MCF2L2: variants seen among roughly 807,000 people sequenced by gnomAD.
The protein encoded by MCF2L2 is probable guanine nucleotide exchange factor MCF2L2.
Under a neutral mutation model 150.2 loss-of-function variants are expected in MCF2L2, and 102 were observed. That is an observed-to-expected ratio of 0.68 (90% CI 0.58 to 0.80). MCF2L2 has a LOEUF of 0.80. MCF2L2 is among the 30% of genes least tolerant of loss of function. The pLI is 0.00. For synonymous variants in MCF2L2, 465 were observed against 491.3 expected (o/e 0.95, Z 0.71); for missense variants, 1,256 against 1,372.8 (o/e 0.91, Z 1.34).
In MCF2L2 at chr3:183,297,074, C is replaced by T. The variant is rs781000309; in HGVS notation, c.1399G>A (p.Asp467Asn). The change falls in exon 12 of 30, where the codon GAC (aspartate) becomes AAC (asparagine). Residue 467 changes from aspartate to asparagine, a missense_variant. Transcript: ENST00000328913. ...SREGVDIALNDIATFLGTVKE... is the reference protein window; with the variant it reads ...SREGVDIALNNIATFLGTVKE... Reference sequence around the variant, plus strand: ...ACTGTGCCCAGGAATGTCGCAATGTCGTTCAAGGCGATATCAACCCCTTCT... The same window carrying T: ...ACTGTGCCCAGGAATGTCGCAATGTTGTTCAAGGCGATATCAACCCCTTCT... 64 of 1,614,158 alleles carry T rather than the reference C, an allele frequency of 4.0e-5. 2 individuals are homozygous for T. The highest frequency in any genetic ancestry group is 3.6e-4 in the South Asian group (33 of 91,068).
At chr3:183,345,321 T>C (rs944265347) in intron 3 of MCF2L2, among the ~76,000 whole-genome samples, 2 of 151,296 alleles carry the variant, frequency 1.3e-5, no homozygotes, top group Admixed American at 1.3e-4. Flanking sequence ...GAATGACTAG[T>C]GGGTAAATAA....
At chr3:183,384,982 T>C (rs1011105392) in intron 2 of MCF2L2, among the ~76,000 whole-genome samples, 1 of 152,166 alleles carries the variant, frequency 6.6e-6, no homozygotes, top group Admixed American at 6.6e-5. Flanking sequence ...TCACCTGCAC[T>C]ACCGAATCCA....
chr3:183,348,047 C>G (rs1730967837), intron 3 of MCF2L2, among the ~76,000 whole-genome samples: 1 of 152,262 alleles, frequency 6.6e-6, no homozygotes, highest in South Asian at 2.1e-4. Flanking sequence ...AATCCCATTA[C>G]CGGGTATATA....
intron 15 of MCF2L2, among the ~76,000 whole-genome samples, chr3:183,233,398 ATG>A (rs940112425): frequency 7.3e-5 from 11 of 150,920 alleles, no homozygotes; most frequent in South Asian, 4.2e-4. Flanking sequence ...AGATAGATAT[ATG>A]TGTGTGTGTG....
At chr3:183,363,399 A>G (rs1424226234) in intron 3 of MCF2L2, among the ~76,000 whole-genome samples, 1 of 152,266 alleles carries the variant, frequency 6.6e-6, no homozygotes, top group African/African-American at 2.4e-5. Context: ...CATAATTGCC[A>G]AAACTGAAAA....
Position 183,302,069 on chromosome 3 carries a change from T to C in MCF2L2, c.1114-1873A>G, listed in dbSNP as rs181105364. Among the ~76,000 whole-genome samples the C allele has an allele frequency of 3.1e-3, 478 of 152,280 alleles. 4 individuals carry two copies. The highest frequency in any genetic ancestry group is 3.4e-3 in the Middle Eastern group (1 of 294). On this transcript the variant is annotated intron_variant, in intron 10 of 29. Coordinates refer to ENST00000328913, the MANE Select transcript of MCF2L2 (RefSeq NM_015078.4). ...CAGCCACCAATAAAACCTCTGGGCA[T>C]TGAGTCTCTAATGAGCTCCCCTGGT...
intron 4 of MCF2L2, 85 bp downstream of exon 4, chr3:183,341,455 C>G: frequency 9.2e-7 from 1 of 1,090,188 alleles, no homozygotes; most frequent in Non-Finnish European, 1.4e-6. Flanking sequence ...AAAATAATTG[C>G]CTTTTCCCCA....
chr3:183,204,711 A>C (rs1329607267), intron 25 of MCF2L2, among the ~76,000 whole-genome samples: 2 of 152,196 alleles, frequency 1.3e-5, no homozygotes, highest in African/African-American at 4.8e-5. Flanking sequence ...AAAAATATCT[A>C]CAGCAGCTTT....
At chr3:183,277,959 T>G (rs984704508) in intron 14 of MCF2L2, among the ~76,000 whole-genome samples, 1 of 147,580 alleles carries the variant, frequency 6.8e-6, no homozygotes, top group Non-Finnish European at 1.5e-5. Flanking sequence ...CTGAGGTCAG[T>G]GGATCATTTG....
At chr3:183,369,755 C>T (rs1192097923) in intron 3 of MCF2L2, among the ~76,000 whole-genome samples, 1 of 152,136 alleles carries the variant, frequency 6.6e-6, no homozygotes, top group Non-Finnish European at 1.5e-5. Flanking sequence ...TATGAACCTC[C>T]TCATTCTTTA....
chr3:183,298,323 G>A (rs1728644948), intron 11 of MCF2L2: 1 of 152,098 alleles, frequency 6.6e-6, no homozygotes, highest in Non-Finnish European at 1.5e-5. Context: ...CATTTACCAT[G>A]TGACCTGAAA....
chr3:183,185,841 A>G (rs778080788), intron 27 of MCF2L2, among the ~76,000 whole-genome samples: 8 of 152,228 alleles, frequency 5.3e-5, no homozygotes, highest in Non-Finnish European at 1.0e-4. Context: ...AGAGGAAGTG[A>G]ATCATTCTTG....
At chr3:183,332,328 G>GT (rs1236020085) in intron 5 of MCF2L2, among the ~76,000 whole-genome samples, 1 of 152,098 alleles carries the variant, frequency 6.6e-6, no homozygotes, top group Non-Finnish European at 1.5e-5. Context: ...TGTGCCCAGG[G>GT]TTTGGGTGAC....
rs528040959 is a variant in MCF2L2, at chr3:183,267,410, G to T, written c.1862+9462C>A. ...ACCCTGATGTGGAGTGATCATGGGG[G>T]TGGGAAATATAGCTGGATCCGAAAG... On this transcript the variant is annotated intron_variant, in intron 15 of 29. Coordinates refer to ENST00000328913, the MANE Select transcript of MCF2L2 (RefSeq NM_015078.4). The surrounding 1 kb of genome is among the most constrained non-coding windows in gnomAD (Gnocchi z 5.5). Among the ~76,000 whole-genome samples, 3 of 152,366 alleles carry T rather than the reference G, an allele frequency of 2.0e-5. No homozygotes were observed. The highest frequency in any genetic ancestry group is 1.9e-4 in the East Asian group (1 of 5,188).
At chr3:183,248,643 T>A (rs1040468655) in intron 15 of MCF2L2, among the ~76,000 whole-genome samples, 3 of 152,116 alleles carry the variant, frequency 2.0e-5, no homozygotes, top group Non-Finnish European at 4.4e-5. Context: ...AAGACCAGCC[T>A]GGGCAACATA....
chr3:183,398,660 T>C (rs1186238942), intron 1 of MCF2L2, among the ~76,000 whole-genome samples: 1 of 152,086 alleles, frequency 6.6e-6, no homozygotes, highest in Non-Finnish European at 1.5e-5. Context: ...AAACTATGGG[T>C]CTTTATTAAC....
At chr3:183,285,977 T>C (rs1356294513) in intron 14 of MCF2L2, among the ~76,000 whole-genome samples, 2 of 152,194 alleles carry the variant, frequency 1.3e-5, no homozygotes, top group African/African-American at 2.4e-5. Flanking sequence ...CACATCACTA[T>C]TGCCAACAAG....
intron 25 of MCF2L2, among the ~76,000 whole-genome samples, chr3:183,199,621 CTTTTTTTTTT>C (rs1163310933): frequency 7.1e-6 from 1 of 141,608 alleles, no homozygotes; most frequent in Non-Finnish European, 1.6e-5. Context: ...TTTTTTTTTC[CTTTTTTTTTT>C]TTTTATTATA....
chr3:183,298,794 C>CACACACACACACACACACA (rs1728690044), intron 11 of MCF2L2: 3 of 150,326 alleles, frequency 2.0e-5, no homozygotes, highest in East Asian at 1.9e-4. Context: ...CACACACACA[C>CACACACACACACACACACA]CAGGCTTATA....
Sources: gnomAD v4.1 joint callset for allele counts (sites outside exome capture counted in the v4.1 genomes callset) on GRCh38, gnomAD v4.1.1 for gene constraint, Gnocchi (gnomAD v3.1) non-coding constraint, MANE v1.5 for transcripts, NCBI Gene and HGNC (gene_info 2026-07-23, HGNC 2026-07-21) for gene names.